Variants in PAGE2B observed in about 807,000 individuals in gnomAD.
PAGE2B encodes the protein PAGE family member 2B.
Under a neutral mutation model 7.6 loss-of-function variants are expected in PAGE2B, and 5 were observed. The observed-to-expected ratio is 0.66, with a 90% CI of 0.34 to 1.38. PAGE2B has a LOEUF of 1.38. Ranked by LOEUF, PAGE2B falls within the 40% of genes most tolerant of loss-of-function variation. PAGE2B has a pLI of 0.04. For missense variants in PAGE2B, 70 were observed against 78.4 expected (o/e 0.89, Z 0.41); for synonymous variants, 29 against 26.7 (o/e 1.09, Z -0.27).
At chrX:55,036,510 AG>A in the PAGE2B span, among the ~76,000 whole-genome samples, 9 of 111,379 alleles carry the variant, frequency 8.1e-5, no homozygotes, top group Non-Finnish European at 1.7e-4. Context: ...TTTAGCATGA[AG>A]GGTTGTTGAA....
chrX:55,051,071 T>G, the PAGE2B span, among the ~76,000 whole-genome samples: 1 of 111,444 alleles, frequency 9.0e-6, no homozygotes, highest in African/African-American at 3.3e-5. Context: ...CTTATGAAGC[T>G]TAGTTTGGCT....
chrX:55,070,934 C>T (rs375154464), upstream of PAGE2B, among the ~76,000 whole-genome samples: 331 of 111,086 alleles, frequency 3.0e-3, 1 homozygote, highest in African/African-American at 0.01. Flanking sequence ...TGTCTTTGCA[C>T]GTGAGATGGG....
the PAGE2B span, among the ~76,000 whole-genome samples, chrX:55,047,175 G>A: frequency 4.6e-5 from 5 of 109,639 alleles, no homozygotes; most frequent in African/African-American, 1.7e-4. Context: ...GGGAACATAC[G>A]GTGTTTGGAT....
intron 3 of PAGE2B, among the ~76,000 whole-genome samples, 187 bp from the exon 4 acceptor site, chrX:55,077,212 G>C (rs778083615): frequency 1.4e-3 from 152 of 111,832 alleles, no homozygotes; most frequent in African/African-American, 4.6e-3. Flanking sequence ...AGTTGTCTAG[G>C]GCCAGCCTTG....
At chrX:55,050,143 T>C in the PAGE2B span, among the ~76,000 whole-genome samples, 1,915 of 112,193 alleles carry the variant, frequency 0.017, 46 homozygotes, top group African/African-American at 0.06. Flanking sequence ...AATCCTGAGT[T>C]CTAGTTTGAT....
At chrX:55,044,136 G>GA in the PAGE2B span, among the ~76,000 whole-genome samples, 68 of 104,576 alleles carry the variant, frequency 6.5e-4, no homozygotes, top group East Asian at 0.018. Flanking sequence ...TTGATCAAAT[G>GA]AAAAAAAAAA....
chrX:55,042,702 A>G, the PAGE2B span, among the ~76,000 whole-genome samples: 48 of 104,296 alleles, frequency 4.6e-4, 1 homozygote, highest in East Asian at 0.014. Flanking sequence ...TCATAGAAAC[A>G]CAAACAAATG....
the PAGE2B span, among the ~76,000 whole-genome samples, chrX:55,036,971 C>T: frequency 9.1e-6 from 1 of 110,375 alleles, no homozygotes; most frequent in African/African-American, 3.3e-5. Context: ...TAGGCAATAC[C>T]ATTCAGGACA....
chrX:55,067,522 A>G, the PAGE2B span, among the ~76,000 whole-genome samples: 3 of 111,681 alleles, frequency 2.7e-5, no homozygotes, highest in Non-Finnish European at 3.8e-5. Context: ...ATACGTGTGC[A>G]TGTGTCTTTA....
the PAGE2B span, among the ~76,000 whole-genome samples, chrX:55,060,923 A>C: frequency 9.0e-6 from 1 of 111,126 alleles, no homozygotes; most frequent in Admixed American, 9.7e-5. Context: ...ACTACTGTTC[A>C]ACTGTTGGGA....
chrX:55,077,778 T>C lies in PAGE2B; in HGVS notation c.319+254T>C, dbSNP rs191228717. ...CACTTGAGGCCAGGACTTCCAGAGA[T>C]GGAGAAAAATTGGGTCAAAGCTAAT... On this transcript the variant is annotated intron_variant, in intron 4 of 4. Transcript: ENST00000374971. Among the ~76,000 whole-genome samples the C allele has an allele frequency of 5.7e-3, 646 of 112,471 alleles. 11 individuals are homozygous for C. Among genetic ancestry groups the C allele is most frequent in the African/African-American group, 0.02 (608 of 30,610 alleles).
At chrX:55,032,613 A>T in the PAGE2B span, among the ~76,000 whole-genome samples, 1 of 111,838 alleles carries the variant, frequency 8.9e-6, no homozygotes, top group East Asian at 2.8e-4. Flanking sequence ...GGACAGTCAT[A>T]GAACCTACCC....
At chrX:55,055,309 T>C in the PAGE2B span, 1 of 105,375 alleles carries the variant, frequency 9.5e-6, no homozygotes, top group Admixed American at 1.0e-4. Context: ...TGAGCCGAGA[T>C]CATGCCACTA....
At chrX:55,051,024 C>T in the PAGE2B span, among the ~76,000 whole-genome samples, 2 of 111,183 alleles carry the variant, frequency 1.8e-5, no homozygotes, top group African/African-American at 6.5e-5. Context: ...AATCTGTCCG[C>T]TTTTGCTTGT....
At chrX:55,034,811 CAT>C in the PAGE2B span, among the ~76,000 whole-genome samples, 1 of 107,154 alleles carries the variant, frequency 9.3e-6, no homozygotes, top group Non-Finnish European at 1.9e-5. Context: ...TATATATATA[CAT>C]GTATATATAT....
At chrX:55,038,838 T>C in the PAGE2B span, among the ~76,000 whole-genome samples, 1 of 111,515 alleles carries the variant, frequency 9.0e-6, no homozygotes, top group Non-Finnish European at 1.9e-5. Flanking sequence ...TAACCTGGAA[T>C]AAGGAGGTAG....
the PAGE2B span, among the ~76,000 whole-genome samples, chrX:55,059,295 C>T: frequency 7.3e-5 from 8 of 110,253 alleles, no homozygotes; most frequent in African/African-American, 2.7e-4. Context: ...CCTATGCACC[C>T]CTGCTGTTTC....
intron 4 of PAGE2B, among the ~76,000 whole-genome samples, chrX:55,077,806 G>C (rs1186892068): frequency 8.9e-6 from 1 of 112,454 alleles, no homozygotes; most frequent in Non-Finnish European, 1.9e-5. Context: ...AAGCTAATTG[G>C]ATTACGATAT....
chrX:55,047,627 G>T, the PAGE2B span, among the ~76,000 whole-genome samples: 1 of 111,704 alleles, frequency 9.0e-6, no homozygotes, highest in African/African-American at 3.3e-5. Flanking sequence ...GTGTGAGATG[G>T]TATCTCATTG....
Sources: allele counts gnomAD v4.1 joint callset (sites outside exome capture counted in the v4.1 genomes callset), GRCh38; gene constraint gnomAD v4.1.1; transcripts MANE v1.5; gene names NCBI Gene and HGNC (gene_info 2026-07-23, HGNC 2026-07-21).